BRINP3: variants seen among roughly 807,000 people sequenced by gnomAD.
The protein encoded by BRINP3 is BMP/retinoic acid-inducible neural-specific protein 3.
A neutral mutation model predicts 71.0 loss-of-function variants in BRINP3; 19 were observed. The ratio of observed to expected loss-of-function variants is 0.27; its 90% CI spans 0.19 to 0.39. BRINP3 has a LOEUF of 0.39. Ranked by LOEUF, BRINP3 falls within the 10% of genes least tolerant of loss-of-function variation. The probability of loss-of-function intolerance (pLI) is 1.00; values close to 1 mark genes in which losing one functional copy is unlikely to be tolerated. For synonymous variants in BRINP3, 380 were observed against 337.7 expected (o/e 1.13, Z -1.37); for missense variants, 959 against 940.8 (o/e 1.02, Z -0.25).
At chr1:190,297,806 G>A (rs1480055015) in intron 2 of BRINP3, among the ~76,000 whole-genome samples, 5 of 151,202 alleles carry the variant, frequency 3.3e-5, no homozygotes, top group East Asian at 3.9e-4. Context: ...GTGTGTGTGC[G>A]TGTGTGTACC....
At chr1:190,155,750 G>A (rs1656806396) in intron 7 of BRINP3, among the ~76,000 whole-genome samples, 1 of 151,960 alleles carries the variant, frequency 6.6e-6, no homozygotes, top group African/African-American at 2.4e-5. Flanking sequence ...AAGATCTGAT[G>A]TTTTAAAAGT....
chr1:190,327,190 C>T (rs1666638338), intron 2 of BRINP3, among the ~76,000 whole-genome samples: 1 of 150,810 alleles, frequency 6.6e-6, no homozygotes, highest in Admixed American at 6.6e-5. Context: ...TGTTGGGCAC[C>T]TGTAATCCCG....
chr1:190,197,625 C>A (rs1654610258), intron 6 of BRINP3, among the ~76,000 whole-genome samples: 1 of 152,218 alleles, frequency 6.6e-6, no homozygotes, highest in African/African-American at 2.4e-5. Flanking sequence ...AAAATGATCT[C>A]TTTTGGCTCC....
At chr1:190,443,936 A>G (rs1675014346) in intron 2 of BRINP3, among the ~76,000 whole-genome samples, 1 of 152,152 alleles carries the variant, frequency 6.6e-6, no homozygotes, top group South Asian at 2.1e-4. Flanking sequence ...ACTTTGCTAT[A>G]AAACATGAAC....
intron 2 of BRINP3, among the ~76,000 whole-genome samples, chr1:190,346,233 G>T (rs978005715): frequency 2.0e-5 from 3 of 151,868 alleles, no homozygotes; most frequent in African/African-American, 7.3e-5. Flanking sequence ...TTACCTAAGA[G>T]GTAAGAGGAT....
chr1:190,221,977 T>C (rs1187730913), intron 6 of BRINP3, among the ~76,000 whole-genome samples: 2 of 151,874 alleles, frequency 1.3e-5, no homozygotes, highest in African/African-American at 4.8e-5. Context: ...GCAGGGGAAT[T>C]TAACACCCTC....
intron 2 of BRINP3, among the ~76,000 whole-genome samples, chr1:190,336,466 A>T (rs1667290756): frequency 6.6e-6 from 1 of 152,052 alleles, no homozygotes; most frequent in African/African-American, 2.4e-5. Flanking sequence ...ATCACAATGA[A>T]AAAATCCCAA....
intron 1 of BRINP3, among the ~76,000 whole-genome samples, chr1:190,466,184 G>T (rs1676734000): frequency 6.7e-6 from 1 of 149,030 alleles, no homozygotes; most frequent in Non-Finnish European, 1.5e-5. Flanking sequence ...AAAACTAAAA[G>T]TATAAAAATG....
intron 7 of BRINP3, among the ~76,000 whole-genome samples, chr1:190,147,864 C>T (rs1656026772): frequency 6.6e-6 from 1 of 152,122 alleles, no homozygotes; most frequent in African/African-American, 2.4e-5. Context: ...AGCCGGTGGC[C>T]ATGTCTGCCT....
chr1:190,161,008 A>T, intron 6 of BRINP3, 118 bp from the exon 7 acceptor site: 1 of 662,454 alleles, frequency 1.5e-6, no homozygotes, highest in Non-Finnish European at 2.5e-6. Context: ...AATTAAGAAC[A>T]AATAAATACA....
At position 190,243,232 on chromosome 1, in the gene BRINP3, A is replaced by C. The variant is rs558772038; in HGVS notation, c.619-8755T>G. ...GACAAAGTTGCCAAATAACATCAGGACCCCTTTGTGCTTAAACCATGGTTG... is the reference window on the plus strand; with the variant it reads ...GACAAAGTTGCCAAATAACATCAGGCCCCCTTTGTGCTTAAACCATGGTTG... On this transcript the variant is annotated intron_variant, in intron 4 of 7. Transcript: ENST00000367462. Among the ~76,000 whole-genome samples, 38 of 152,054 alleles carry C rather than the reference A, an allele frequency of 2.5e-4. 1 individual carries two copies. The East Asian group carries it at 6.6e-3, about 26-fold the overall frequency.
chr1:190,407,368 A>G (rs1672350781), intron 2 of BRINP3, among the ~76,000 whole-genome samples: 1 of 152,148 alleles, frequency 6.6e-6, no homozygotes, highest in Non-Finnish European at 1.5e-5. Context: ...TGTCCTCCCA[A>G]TTGGACATGA....
At chr1:190,396,399 C>G (rs1671567728) in intron 2 of BRINP3, among the ~76,000 whole-genome samples, 1 of 151,520 alleles carries the variant, frequency 6.6e-6, no homozygotes, top group Non-Finnish European at 1.5e-5. Flanking sequence ...GGGTGTAGAT[C>G]TTGGCTCAAT....
intron 2 of BRINP3, among the ~76,000 whole-genome samples, chr1:190,293,210 T>G (rs1415860141): frequency 6.6e-6 from 1 of 152,114 alleles, no homozygotes; most frequent in South Asian, 2.1e-4. Flanking sequence ...TGTATTGTTA[T>G]GTTTTGATTT....
intron 2 of BRINP3, among the ~76,000 whole-genome samples, chr1:190,357,613 G>A (rs1276031374): frequency 6.6e-6 from 1 of 151,930 alleles, no homozygotes; most frequent in African/African-American, 2.4e-5. Context: ...GATGCCTCCA[G>A]CTTTGTTCTT....
At chr1:190,357,139 G>C (rs1668783959) in intron 2 of BRINP3, among the ~76,000 whole-genome samples, 1 of 151,876 alleles carries the variant, frequency 6.6e-6, no homozygotes, top group Admixed American at 6.6e-5. Flanking sequence ...TTTTATATCA[G>C]TCAGGTTAGA....
Position 190,467,938 on chromosome 1 carries a change from G to C in BRINP3, c.-51+9510C>G, listed in dbSNP as rs140858783. On this transcript the variant is annotated intron_variant, in intron 1 of 7. Transcript: ENST00000367462. Reference sequence around the variant, plus strand: ...GAGACATTACGATATCTGACATAGAGAGACTATTAAATATTAGCTATTCTT... The same window carrying C: ...GAGACATTACGATATCTGACATAGACAGACTATTAAATATTAGCTATTCTT... Among the ~76,000 whole-genome samples the C allele has an allele frequency of 7.2e-3, 1,091 of 151,510 alleles. 15 individuals carry two copies. The highest frequency in any genetic ancestry group is 0.024 in the African/African-American group (994 of 41,490).
intron 2 of BRINP3, among the ~76,000 whole-genome samples, chr1:190,399,157 C>T (rs923010928): frequency 6.6e-6 from 1 of 152,006 alleles, no homozygotes; most frequent in Non-Finnish European, 1.5e-5. Flanking sequence ...TTCTATAACA[C>T]TCTTAATACA....
At chr1:190,273,654 A>T (rs1662308189) in intron 3 of BRINP3, among the ~76,000 whole-genome samples, 1 of 151,596 alleles carries the variant, frequency 6.6e-6, no homozygotes, top group African/African-American at 2.4e-5. Context: ...TATGGCCCTT[A>T]AAATTATGTA....
Sources: allele counts gnomAD v4.1 joint callset (sites outside exome capture counted in the v4.1 genomes callset), GRCh38; gene constraint gnomAD v4.1.1; transcripts MANE v1.5; gene names NCBI Gene and HGNC (gene_info 2026-07-23, HGNC 2026-07-21).